The following BTF3L4 variants were observed in gnomAD, a reference collection of about 807,000 sequenced individuals.
BTF3L4 encodes basic transcription factor 3 like 4, also known as transcription factor BTF3 homolog 4.
In BTF3L4, 6 loss-of-function variants were observed where a neutral mutation model predicts 16.8. The ratio of observed to expected loss-of-function variants is 0.36; its 90% CI spans 0.20 to 0.71. The LOEUF is 0.71. BTF3L4 is among the 30% of genes least tolerant of loss of function. The pLI is 0.58. For synonymous variants in BTF3L4, 39 were observed against 59.8 expected, an observed-to-expected ratio of 0.65 and a Z score of 1.60; for missense variants, 92 against 186.9, an observed-to-expected ratio of 0.49 and a Z score of 2.96.
rs1195557848 is a variant in BTF3L4 at position 52,086,935 on chromosome 1, TCCTC to T, written c.*180_*183del. 7.0e-5 allele frequency: 32 copies of T among 456,690 alleles called. 1 individual carries two copies. The Middle Eastern group carries it at 2.4e-3, about 34-fold the overall frequency. 28.3% of individuals were successfully genotyped at this position (456,690 alleles called of 1,614,324 possible). On this transcript the variant is annotated 3_prime_UTR_variant, in exon 6 of 6. Coordinates refer to ENST00000313334, the MANE Select transcript of BTF3L4 (RefSeq NM_152265.5). Reference sequence around the variant, plus strand: ...GTCATTTGATTTTGCATTTTGCACTTCCTCCCAGGATATTTTTTTGGTCAAAATA... The same window carrying T: ...GTCATTTGATTTTGCATTTTGCACTTCCAGGATATTTTTTTGGTCAAAATA...
At chr1:52,076,051 C>A (rs1686924221) in intron 3 of BTF3L4, among the ~76,000 whole-genome samples, 1 of 152,172 alleles carries the variant, frequency 6.6e-6, no homozygotes, top group African/African-American at 2.4e-5. Flanking sequence ...AATTGCTTTT[C>A]AGAAAGAATA....
chr1:52,060,542 C>T, intron 2 of BTF3L4: 1 of 1,223,224 alleles, frequency 8.2e-7, no homozygotes, highest in Non-Finnish European at 1.1e-6. Context: ...CAACTGAAGT[C>T]TTTGATTCTC....
At position 52,089,469 on chromosome 1, in the gene BTF3L4, T is replaced by G. The variant is rs528521494; in HGVS notation, c.*2711T>G. The stretch of plus-strand genomic sequence containing the variant: ...CATAGGGTAAGAGTTTGGATGAAAC[T>G]TTTGTAAATTGTAGTGTTCTTGGCA... On this transcript the variant is annotated 3_prime_UTR_variant, in exon 6 of 6. Coordinates refer to ENST00000313334, the MANE Select transcript of BTF3L4 (RefSeq NM_152265.5). The G allele has an allele frequency of 2.8e-4, 42 of 152,344 alleles. No individual in the cohort carries two copies. Among genetic ancestry groups the G allele is most frequent in the Admixed American group, 7.8e-4 (12 of 15,302 alleles). The allele number at this position is 152,344 out of a possible 1,614,324, so 9.4% of individuals were successfully genotyped here.
intron 2 of BTF3L4, among the ~76,000 whole-genome samples, chr1:52,061,001 C>T (rs1686494895): frequency 6.6e-6 from 1 of 152,186 alleles, no homozygotes; most frequent in South Asian, 2.1e-4. Flanking sequence ...GTATATTGAG[C>T]ACCTACTGTG....
At chr1:52,079,649 T>A (rs1258604532) in intron 3 of BTF3L4, among the ~76,000 whole-genome samples, 1 of 152,022 alleles carries the variant, frequency 6.6e-6, no homozygotes, top group African/African-American at 2.4e-5. Context: ...TATAACAACA[T>A]TTAGCCTTCA....
chr1:52,068,844 G>A (rs1686715990), intron 3 of BTF3L4, among the ~76,000 whole-genome samples: 1 of 152,060 alleles, frequency 6.6e-6, no homozygotes, highest in Non-Finnish European at 1.5e-5. Flanking sequence ...CTTAATATAG[G>A]CATTATTTCC....
intron 2 of BTF3L4, chr1:52,060,632 G>A: frequency 9.2e-7 from 1 of 1,092,678 alleles, no homozygotes; most frequent in African/African-American, 1.6e-5. Flanking sequence ...GTGAAAGAAA[G>A]AATAGTACTT....
intron 3 of BTF3L4, among the ~76,000 whole-genome samples, chr1:52,082,738 CAAAAA>C (rs35173948): frequency 7.1e-6 from 1 of 140,984 alleles, no homozygotes; most frequent in South Asian, 2.3e-4. Context: ...GATTCTGTCT[CAAAAA>C]AAAAAAAAAA....
chr1:52,079,870 TTC>T (rs1429148057), intron 3 of BTF3L4, among the ~76,000 whole-genome samples: 194 of 4,552 alleles, frequency 0.043, 2 homozygotes, highest in Middle Eastern at 0.5. Context: ...TTCTTTTCTT[TTC>T]TTTTTTTTTT....
rs3991108 is a variant in BTF3L4 at position 52,088,913 on chromosome 1, A to ATTTTTTTTTTT, written c.*2163_*2173dup. ...TGTCTCAGCCTCCACAGTAGCTGGG[A>ATTTTTTTTTTT]TTTTTTTTTTTTTTTTTTGTATTTT... is the stretch of plus-strand genomic sequence containing the variant. On this transcript the variant is annotated 3_prime_UTR_variant, in exon 6 of 6. Transcript: ENST00000313334. 1.0e-4 allele frequency: 13 copies of ATTTTTTTTTTT among 128,650 alleles called. No homozygotes were observed. The highest frequency in any genetic ancestry group is 2.0e-4 in the African/African-American group (7 of 34,208). 8.0% of individuals were successfully genotyped at this position (128,650 alleles called of 1,614,324 possible).
intron 2 of BTF3L4, among the ~76,000 whole-genome samples, chr1:52,062,305 G>A (rs760608023): frequency 7.1e-5 from 10 of 141,716 alleles, no homozygotes; most frequent in African/African-American, 2.6e-4. Context: ...GGGTTCAAGC[G>A]ATTCTCCTGC....
intron 2 of BTF3L4, among the ~76,000 whole-genome samples, chr1:52,061,960 G>A (rs1418989308): frequency 1.3e-5 from 2 of 148,904 alleles, no homozygotes; most frequent in Non-Finnish European, 3.0e-5. Context: ...TTTTTAAGAT[G>A]GAATCTCTCT....
intron 1 of BTF3L4, among the ~76,000 whole-genome samples, chr1:52,059,253 T>C (rs560701620): frequency 3.3e-5 from 5 of 152,356 alleles, no homozygotes; most frequent in Non-Finnish European, 7.3e-5. Flanking sequence ...CCTGGTTCTC[T>C]TTCCCCATTA....
At chr1:52,086,210 C>G in intron 5 of BTF3L4, 39 bp downstream of exon 5, 1 of 1,472,142 alleles carries the variant, frequency 6.8e-7, no homozygotes, top group South Asian at 1.2e-5. Flanking sequence ...TTTAAGCATC[C>G]TGTTTATCTC....
At chr1:52,070,923 G>A (rs929061880) in intron 3 of BTF3L4, among the ~76,000 whole-genome samples, 1 of 152,164 alleles carries the variant, frequency 6.6e-6, no homozygotes, top group Non-Finnish European at 1.5e-5. Flanking sequence ...ACAGGTGTGA[G>A]CCACTGCGCC....
At chr1:52,059,074 GC>G (rs376431846) in intron 1 of BTF3L4, among the ~76,000 whole-genome samples, 36 of 149,656 alleles carry the variant, frequency 2.4e-4, no homozygotes, top group Admixed American at 4.0e-4. Context: ...TCTCCTCTCT[GC>G]CCCCCCCCAA....
chr1:52,086,660 CT>C, intron 5 of BTF3L4, 51 bp from the exon 6 acceptor site: 1 of 1,230,158 alleles, frequency 8.1e-7, no homozygotes, highest in Non-Finnish European at 1.2e-6. Flanking sequence ...CCATTTACCT[CT>C]TTTTCCTTTT....
chr1:52,058,160 C>T (rs188006857), intron 1 of BTF3L4, among the ~76,000 whole-genome samples: 4 of 152,272 alleles, frequency 2.6e-5, no homozygotes, highest in Admixed American at 6.5e-5. Flanking sequence ...GGATTTAAGT[C>T]ATCAAATTTA....
chr1:52,076,064 C>T (rs946361826), intron 3 of BTF3L4, among the ~76,000 whole-genome samples: 3 of 152,122 alleles, frequency 2.0e-5, no homozygotes, highest in Non-Finnish European at 4.4e-5. Flanking sequence ...AAAGAATATG[C>T]CAGTTCACAC....
Sources: allele counts gnomAD v4.1 joint callset (sites outside exome capture counted in the v4.1 genomes callset), GRCh38; gene constraint gnomAD v4.1.1; transcripts MANE v1.5; gene names NCBI Gene and HGNC (gene_info 2026-07-23, HGNC 2026-07-21).